NBAS: variants seen among roughly 807,000 people sequenced by gnomAD.
NBAS encodes the protein NAG/BC035112 fusion.
Under a neutral mutation model 302.5 loss-of-function variants are expected in NBAS, and 219 were observed. The observed-to-expected ratio is 0.72, with a 90% CI of 0.65 to 0.81. NBAS has a LOEUF of 0.81. NBAS is among the 30% of genes least tolerant of loss of function. NBAS has a pLI of 0.00. For synonymous variants in NBAS, 1,118 were observed against 1,021.6 expected (o/e 1.09, Z -1.80); for missense variants, 2,932 against 2,841.6 (o/e 1.03, Z -0.72).
At chr2:15,191,067 T>C (rs1665332933) in intron 48 of NBAS, among the ~76,000 whole-genome samples, 1 of 152,226 alleles carries the variant, frequency 6.6e-6, no homozygotes, top group Non-Finnish European at 1.5e-5. Context: ...GATGAAAATG[T>C]ATGCTATTTT....
the NBAS span, among the ~76,000 whole-genome samples, chr2:14,987,647 T>C: frequency 6.6e-6 from 1 of 152,076 alleles, no homozygotes; most frequent in African/African-American, 2.4e-5. Flanking sequence ...CTAATACTCA[T>C]AGCTTTAACA....
the NBAS span, among the ~76,000 whole-genome samples, chr2:15,003,491 G>A: frequency 6.6e-6 from 1 of 152,140 alleles, no homozygotes; most frequent in African/African-American, 2.4e-5. Flanking sequence ...AATTCATTCT[G>A]CATCTCCCAG....
At position 15,503,691 on chromosome 2, in the gene NBAS, A is replaced by T. The variant is rs530445739; in HGVS notation, c.954+454T>A. 2.6e-5 allele frequency among the ~76,000 whole-genome samples: 4 copies of T among 152,338 alleles called. No homozygotes were observed. In the East Asian group the frequency reaches 7.7e-4, roughly 29 times the overall value. ...AGTAACAAGACAGTAAAACAATGGT[A>T]CTTAAAACCTAGGGTCAGGAGGCAC... is the stretch of plus-strand genomic sequence containing the variant. On this transcript the variant is annotated intron_variant, in intron 11 of 51. Coordinates refer to ENST00000281513, the MANE Select transcript of NBAS (RefSeq NM_015909.4).
the NBAS span, among the ~76,000 whole-genome samples, chr2:14,803,811 G>A: frequency 7.9e-5 from 12 of 151,846 alleles, no homozygotes; most frequent in East Asian, 1.9e-4. Flanking sequence ...CACCATGCCC[G>A]GCTAATTTTT....
chr2:15,528,313 C>A (rs541853751), intron 9 of NBAS, among the ~76,000 whole-genome samples: 63 of 151,312 alleles, frequency 4.2e-4, no homozygotes, highest in African/African-American at 1.4e-3. Context: ...CCCTTTAAGG[C>A]GCTTATTTTC....
chr2:15,504,501 A>G (rs1661748363), intron 10 of NBAS, among the ~76,000 whole-genome samples: 1 of 152,198 alleles, frequency 6.6e-6, no homozygotes, highest in African/African-American at 2.4e-5. Flanking sequence ...GCTCTTCTCA[A>G]GTAAGGCTGC....
the NBAS span, among the ~76,000 whole-genome samples, chr2:15,073,476 CAAA>C: frequency 1.5e-5 from 1 of 65,760 alleles, no homozygotes; most frequent in Admixed American, 1.5e-4. Context: ...AACTCCTTCT[CAAA>C]AAAAAAAAAA....
At chr2:14,958,988 G>A in the NBAS span, among the ~76,000 whole-genome samples, 5 of 152,104 alleles carry the variant, frequency 3.3e-5, no homozygotes, top group Admixed American at 2.6e-4. Flanking sequence ...AAGAGGCTTG[G>A]GTGACCCACA....
the NBAS span, among the ~76,000 whole-genome samples, chr2:14,856,214 G>A: frequency 6.6e-6 from 1 of 152,194 alleles, no homozygotes; most frequent in African/African-American, 2.4e-5. Flanking sequence ...ACCTCTATGA[G>A]TCTGCAAGAA....
At chr2:14,783,769 G>A in the NBAS span, among the ~76,000 whole-genome samples, 4 of 151,762 alleles carry the variant, frequency 2.6e-5, no homozygotes, top group East Asian at 1.9e-4. Context: ...TGAATAGTGC[G>A]GCAATAAACA....
chr2:15,069,884 C>A, the NBAS span, among the ~76,000 whole-genome samples: 267 of 152,186 alleles, frequency 1.8e-3, 2 homozygotes, highest in Middle Eastern at 3.4e-3. Context: ...AAGGCAGGCA[C>A]GGATTGGGAA....
intron 21 of NBAS, among the ~76,000 whole-genome samples, chr2:15,440,634 C>T (rs549191544): frequency 2.0e-5 from 3 of 152,316 alleles, no homozygotes; most frequent in Admixed American, 6.5e-5. Flanking sequence ...AGTTCCTCAC[C>T]AGCAATGGGA....
intron 48 of NBAS, among the ~76,000 whole-genome samples, chr2:15,208,619 T>C (rs1572451824): frequency 1.3e-5 from 2 of 152,218 alleles, no homozygotes; most frequent in African/African-American, 4.8e-5. Context: ...CCTCAGCACA[T>C]GGATCATTCT....
chr2:14,832,389 G>A, the NBAS span, among the ~76,000 whole-genome samples: 3 of 152,200 alleles, frequency 2.0e-5, no homozygotes, highest in African/African-American at 7.2e-5. Context: ...ATGGGAAGAA[G>A]TAGAAGGTGA....
At chr2:15,468,656 A>T in intron 16 of NBAS, 123 bp from the exon 17 acceptor site, 1 of 1,133,642 alleles carries the variant, frequency 8.8e-7, no homozygotes, top group Non-Finnish European at 1.3e-6. Flanking sequence ...CCTTGGCCAT[A>T]GGGAGCTGCT....
chr2:14,994,439 A>G, the NBAS span, among the ~76,000 whole-genome samples: 1 of 152,198 alleles, frequency 6.6e-6, no homozygotes, highest in Non-Finnish European at 1.5e-5. Context: ...AGCCTGAAGC[A>G]GCTCAAAGAT....
chr2:14,935,183 A>G, the NBAS span, among the ~76,000 whole-genome samples: 3 of 151,706 alleles, frequency 2.0e-5, no homozygotes, highest in African/African-American at 7.3e-5. Flanking sequence ...GAACCCTTAG[A>G]TCTATATTTC....
At chr2:15,051,842 T>A in the NBAS span, among the ~76,000 whole-genome samples, 1 of 152,224 alleles carries the variant, frequency 6.6e-6, no homozygotes, top group Non-Finnish European at 1.5e-5. Context: ...TGTGTCTTTT[T>A]TGCCTCTTGC....
At chr2:14,978,260 A>G in the NBAS span, among the ~76,000 whole-genome samples, 1 of 152,096 alleles carries the variant, frequency 6.6e-6, no homozygotes, top group Non-Finnish European at 1.5e-5. Context: ...AATTTTTTAA[A>G]CCTCCTTCAG....
Sources: gnomAD v4.1 joint callset for allele counts (sites outside exome capture counted in the v4.1 genomes callset) on GRCh38, gnomAD v4.1.1 for gene constraint, MANE v1.5 for transcripts, NCBI Gene and HGNC (gene_info 2026-07-23, HGNC 2026-07-21) for gene names.